The following CLASP1 variants were observed in gnomAD, a reference collection of about 807,000 sequenced individuals.
CLASP1 encodes CLIP-associating protein 1.
A neutral mutation model predicts 192.3 loss-of-function variants in CLASP1; 38 were observed. The ratio of observed to expected loss-of-function variants is 0.20; its 90% confidence interval spans 0.15 to 0.26. The LOEUF (loss-of-function observed/expected upper bound fraction) is 0.26, where lower values mean the gene tolerates loss of function less well. Among genes scored for constraint, CLASP1 ranks in the 10% least tolerant of loss-of-function variants. The pLI, the probability that CLASP1 is intolerant of heterozygous loss-of-function variation, is 1.00. For missense variants in CLASP1, 1,433 were observed against 1,932.5 expected (o/e 0.74, Z 4.85); for synonymous variants, 691 against 712.8 (o/e 0.97, Z 0.49).
intron 7 of CLASP1, among the ~76,000 whole-genome samples, chr2:121,512,757 T>C (rs2094175255): frequency 6.6e-6 from 1 of 152,218 alleles, no homozygotes; most frequent in Non-Finnish European, 1.5e-5. Context: ...ATTACTACTC[T>C]TGCTATTTAA....
chr2:121,448,215 C>A, intron 18 of CLASP1, 61 bp downstream of exon 18: 8 of 1,444,096 alleles, frequency 5.5e-6, no homozygotes, highest in Non-Finnish European at 7.8e-6. Flanking sequence ...CAGCCTCTTG[C>A]AGCTGCACGT....
chr2:121,448,271 C>T lies in CLASP1; in HGVS notation c.1741+5G>A. 1 of 1,613,216 alleles carries T rather than the reference C, an allele frequency of 6.2e-7. No individual in the cohort carries two copies. The highest frequency in any genetic ancestry group is 8.5e-7 in the Non-Finnish European group (1 of 1,179,128). On this transcript the variant is annotated splice_donor_5th_base_variant and intron_variant, in intron 18 of 39. Coordinates refer to ENST00000263710, the Ensembl canonical transcript of CLASP1. ...ACAGGCCTTCTCCACGGCTGTCAGTCTCACCTCTAGATGTGGTACTTCCAG... is the reference window on the plus strand; with the variant it reads ...ACAGGCCTTCTCCACGGCTGTCAGTTTCACCTCTAGATGTGGTACTTCCAG...
At chr2:121,530,408 C>G in intron 2 of CLASP1, 83 bp from the exon 3 acceptor site, 1 of 1,072,972 alleles carries the variant, frequency 9.3e-7, no homozygotes, top group East Asian at 2.6e-5. Flanking sequence ...GAGGCCTAGA[C>G]ATTTCCGGCC....
rs370037601 is a variant in CLASP1 at position 121,527,924 on chromosome 2, A to G, written c.379-34T>C. 16 of 1,552,350 alleles carry G rather than the reference A, an allele frequency of 1.0e-5. No homozygotes were observed. In the African/African-American group the frequency reaches 1.9e-4, roughly 18 times the overall value. On this transcript the variant is annotated intron_variant, in intron 4 of 39. Coordinates refer to ENST00000263710, the Ensembl canonical transcript of CLASP1. ...GACAAAGAACAGGTGAGGAAAGGAG[A>G]AGACTGCTGCAGCTGACACTTTATA...
At chr2:121,518,056 C>G (rs1169873657) in intron 6 of CLASP1, among the ~76,000 whole-genome samples, 1 of 148,844 alleles carries the variant, frequency 6.7e-6, no homozygotes, top group Non-Finnish European at 1.5e-5. Context: ...ATGGTGAAAC[C>G]CCGTCTCTAC....
intron 23 of CLASP1, among the ~76,000 whole-genome samples, chr2:121,417,075 C>T (rs560438491): frequency 3.9e-5 from 6 of 152,212 alleles, no homozygotes; most frequent in Non-Finnish European, 8.8e-5. Context: ...TGTGAGGACC[C>T]ACGCCTTCTG....
At chr2:121,555,948 A>G (rs971014199) in intron 2 of CLASP1, among the ~76,000 whole-genome samples, 4 of 145,436 alleles carry the variant, frequency 2.8e-5, no homozygotes, top group Non-Finnish European at 5.9e-5. Flanking sequence ...AAGTGCTGAA[A>G]TTACAGGTGT....
At chr2:121,365,071 A>G (rs960743014) in intron 36 of CLASP1, 23 bp downstream of exon 37, 5 of 1,613,492 alleles carry the variant, frequency 3.1e-6, no homozygotes, top group Middle Eastern at 1.7e-4. Context: ...AAGGGGCAAG[A>G]TAAGGCCAAA....
chr2:121,459,171 AC>A (rs1461283052), intron 12 of CLASP1, among the ~76,000 whole-genome samples, 196 bp from the exon 13 acceptor site: 3 of 151,936 alleles, frequency 2.0e-5, no homozygotes, highest in African/African-American at 4.8e-5. Context: ...TTAAAAAAAA[AC>A]ATTTCCAACT....
intron 1 of CLASP1, among the ~76,000 whole-genome samples, chr2:121,630,923 G>A (rs1188370370): frequency 6.6e-6 from 1 of 151,482 alleles, no homozygotes; most frequent in Non-Finnish European, 1.5e-5. Flanking sequence ...ACTTTGGGAG[G>A]CCGAGGTGGG....
chr2:121,518,231 C>CA (rs35409200), intron 6 of CLASP1, among the ~76,000 whole-genome samples: 2,285 of 48,114 alleles, frequency 0.047, 31 homozygotes, highest in Non-Finnish European at 0.062. Flanking sequence ...ACCCCCGTCT[C>CA]AAAAAAAAAA....
chr2:121,504,553 A>C (rs554679110), intron 7 of CLASP1, among the ~76,000 whole-genome samples: 1 of 152,326 alleles, frequency 6.6e-6, no homozygotes, highest in South Asian at 2.1e-4. Flanking sequence ...TCACTCTGGA[A>C]AACTGTAGGT....
intron 19 of CLASP1, among the ~76,000 whole-genome samples, chr2:121,432,767 CATT>C (rs1024058977): frequency 2.2e-4 from 33 of 152,066 alleles, no homozygotes; most frequent in Admixed American, 9.2e-4. Context: ...AGAATGGAAT[CATT>C]ATATTTTGAT....
intron 2 of CLASP1, among the ~76,000 whole-genome samples, chr2:121,556,877 A>C (rs1195167021): frequency 1.3e-5 from 2 of 152,178 alleles, no homozygotes; most frequent in Non-Finnish European, 2.9e-5. Flanking sequence ...AATAAAGAGA[A>C]ACTAATACAA....
At chr2:121,604,478 G>A (rs188192312) in intron 2 of CLASP1, among the ~76,000 whole-genome samples, 1 of 152,118 alleles carries the variant, frequency 6.6e-6, no homozygotes, top group Non-Finnish European at 1.5e-5. Flanking sequence ...AGACCAGCCC[G>A]GGCAACATGG....
intron 20 of CLASP1, among the ~76,000 whole-genome samples, chr2:121,429,112 T>C (rs1362817275): frequency 6.6e-6 from 1 of 152,222 alleles, no homozygotes; most frequent in Non-Finnish European, 1.5e-5. Flanking sequence ...GCAGAAATTA[T>C]ATAACATGAG....
chr2:121,412,346 T>C (rs955840608), intron 23 of CLASP1, among the ~76,000 whole-genome samples: 1 of 152,174 alleles, frequency 6.6e-6, no homozygotes, highest in Non-Finnish European at 1.5e-5. Flanking sequence ...GTTTAAAAGG[T>C]AATGTGCCAT....
chr2:121,451,672 A>T, intron 15 of CLASP1, 118 bp downstream of exon 15: 2 of 740,530 alleles, frequency 2.7e-6, no homozygotes, highest in East Asian at 5.4e-5. Context: ...AGACGTAGTC[A>T]TGAAAACAAA....
At chr2:121,401,433 T>C in intron 28 of CLASP1, 76 bp downstream of exon 29, 3 of 1,176,078 alleles carry the variant, frequency 2.6e-6, no homozygotes, top group Non-Finnish European at 3.6e-6. Flanking sequence ...AGGCCATGGG[T>C]AACAAAAGAG....
Sources: allele counts gnomAD v4.1 joint callset (sites outside exome capture counted in the v4.1 genomes callset), GRCh38; gene constraint gnomAD v4.1.1; transcripts MANE v1.5; gene names NCBI Gene and HGNC (gene_info 2026-07-23, HGNC 2026-07-21).